The following TRHDE variants were observed in gnomAD, a reference collection of about 807,000 sequenced individuals.
The protein encoded by TRHDE is thyrotropin releasing hormone degrading enzyme.
TRHDE carries 72 observed loss-of-function variants against 125.7 expected under a neutral mutation model. The observed-to-expected ratio is 0.57, with a 90% CI of 0.47 to 0.70. The LOEUF is 0.70. TRHDE is among the 30% of genes least tolerant of loss of function. The pLI, the probability that TRHDE is intolerant of heterozygous loss-of-function variation, is 0.00. For missense variants in TRHDE, 1,110 were observed against 1,327.1 expected (o/e 0.84, Z 2.54); for synonymous variants, 509 against 509.1 (o/e 1.00, Z 0.00).
At chr12:72,553,905 A>G (rs1024318125) in intron 7 of TRHDE, among the ~76,000 whole-genome samples, 33 of 146,150 alleles carry the variant, frequency 2.3e-4, no homozygotes, top group African/African-American at 8.1e-4. Context: ...CTGGAGTACA[A>G]TGGTACAACC....
At chr12:72,280,155 C>T (rs1879643175) in intron 1 of TRHDE, among the ~76,000 whole-genome samples, 1 of 152,070 alleles carries the variant, frequency 6.6e-6, no homozygotes, top group Admixed American at 6.5e-5. Context: ...CTGACTCTGC[C>T]ACTTATTAGC....
At chr12:72,653,459 A>G (rs1467129654) in intron 17 of TRHDE, among the ~76,000 whole-genome samples, 1 of 152,106 alleles carries the variant, frequency 6.6e-6, no homozygotes, top group South Asian at 2.1e-4. Flanking sequence ...TGTATCATAA[A>G]ACCCCTGTAT....
intron 2 of TRHDE, among the ~76,000 whole-genome samples, chr12:72,166,952 G>GTC (rs1251526941): frequency 2.2e-4 from 31 of 139,694 alleles, no homozygotes; most frequent in African/African-American, 6.8e-4. Context: ...GTGTGTGTGT[G>GTC]TCTCAATCAT....
chr12:72,553,950 G>A (rs527266864), intron 7 of TRHDE, among the ~76,000 whole-genome samples: 1 of 150,432 alleles, frequency 6.6e-6, no homozygotes, highest in Non-Finnish European at 1.5e-5. Context: ...CTGGGTTCAA[G>A]CCATCTCCTG....
chr12:72,187,500 T>A (rs1592475571), intron 2 of TRHDE, among the ~76,000 whole-genome samples: 1 of 136,612 alleles, frequency 7.3e-6, no homozygotes, highest in African/African-American at 2.6e-5. Context: ...GTGGTGGTGG[T>A]GGTGGTGGAG....
intron 12 of TRHDE, among the ~76,000 whole-genome samples, chr12:72,580,391 T>C (rs1297414793): frequency 6.6e-6 from 1 of 152,228 alleles, no homozygotes; most frequent in African/African-American, 2.4e-5. Context: ...GGCTTGCACT[T>C]TAAAATTAGT....
At chr12:72,411,241 A>G (rs564206658) in intron 3 of TRHDE, among the ~76,000 whole-genome samples, 43 of 151,578 alleles carry the variant, frequency 2.8e-4, no homozygotes, top group Non-Finnish European at 5.0e-4. Flanking sequence ...ATTGCAACTG[A>G]TAACATTTGG....
Position 72,541,272 on chromosome 12 carries a change from T to A in TRHDE, c.1723-1019T>A, listed in dbSNP as rs887892440. 3.3e-5 allele frequency among the ~76,000 whole-genome samples: 5 copies of A among 151,602 alleles called. No homozygotes were observed. In the East Asian group the frequency reaches 9.7e-4, roughly 29 times the overall value. ...TCATTGCTTACAATCCACTGCTCCA[T>A]ACCAATTCAATTTGGTCAAGTGTCT... On this transcript the variant is annotated intron_variant, in intron 6 of 18. Transcript: ENST00000261180.
In TRHDE at chr12:72,583,218, A is replaced by G. The variant is rs73353857; in HGVS notation, c.2321+7676A>G. Reference sequence around the variant, plus strand: ...TGAAAGTTATAAAATTATTTATTGCAAACTACGATTTATTGTTGACTATAT... The same window carrying G: ...TGAAAGTTATAAAATTATTTATTGCGAACTACGATTTATTGTTGACTATAT... On this transcript the variant is annotated intron_variant, in intron 12 of 18. Transcript: ENST00000261180. Among the ~76,000 whole-genome samples, 268 of 152,340 alleles carry G rather than the reference A, an allele frequency of 1.8e-3. 3 individuals are homozygous for G. Among genetic ancestry groups the G allele is most frequent in the African/African-American group, 6.3e-3 (263 of 41,580 alleles).
chr12:72,592,212 T>C (rs1871716365), intron 12 of TRHDE, among the ~76,000 whole-genome samples: 1 of 152,178 alleles, frequency 6.6e-6, no homozygotes, highest in Admixed American at 6.5e-5. Flanking sequence ...TACCTTTTCT[T>C]CTCTTCATTT....
At chr12:72,572,982 T>C (rs1026465722) in intron 10 of TRHDE, among the ~76,000 whole-genome samples, 1 of 151,966 alleles carries the variant, frequency 6.6e-6, no homozygotes. Flanking sequence ...AACTTGGTGC[T>C]TTAACATTAT....
intron 7 of TRHDE, among the ~76,000 whole-genome samples, chr12:72,558,590 C>G (rs1382794983): frequency 6.6e-6 from 1 of 152,138 alleles, no homozygotes; most frequent in Non-Finnish European, 1.5e-5. Context: ...CAAAAATATT[C>G]TGGCTTTGTG....
intron 2 of TRHDE, among the ~76,000 whole-genome samples, chr12:72,117,552 C>A (rs1875475333): frequency 6.6e-6 from 1 of 152,040 alleles, no homozygotes; most frequent in African/African-American, 2.4e-5. Context: ...ATAGCTTGGT[C>A]TATTCTGGGT....
intron 2 of TRHDE, among the ~76,000 whole-genome samples, chr12:72,190,695 C>T (rs1344851864): frequency 6.6e-6 from 1 of 152,178 alleles, no homozygotes; most frequent in Non-Finnish European, 1.5e-5. Flanking sequence ...GTGGACAAAA[C>T]AACTTTTCCT....
chr12:72,232,919 G>A (rs61648527), intron 2 of TRHDE, among the ~76,000 whole-genome samples: 1 of 151,854 alleles, frequency 6.6e-6, no homozygotes, highest in African/African-American at 2.4e-5. Flanking sequence ...TTTATTTTGT[G>A]TATTATCTCT....
At chr12:72,091,679 C>T (rs1175036104) in intron 1 of TRHDE, among the ~76,000 whole-genome samples, 1 of 152,158 alleles carries the variant, frequency 6.6e-6, no homozygotes, top group African/African-American at 2.4e-5. Context: ...TATAAGTAAA[C>T]AGCAAACTGT....
chr12:72,603,436 T>C (rs776187462), intron 12 of TRHDE, among the ~76,000 whole-genome samples: 9 of 152,022 alleles, frequency 5.9e-5, no homozygotes, highest in Non-Finnish European at 1.2e-4. Flanking sequence ...AATAACAATG[T>C]AAGTGTGGGC....
rs1400770087 is a variant in TRHDE at position 72,670,023 on chromosome 12, ACT to A, written c.*6829_*6830del. ...TTTCATAATTGGCTTTCTGGACACC[ACT>A]GAGTTTATTAGATAATCTTTAAAAA... is the stretch of plus-strand genomic sequence containing the variant. On this transcript the variant is annotated 3_prime_UTR_variant, in exon 19 of 19. Transcript: ENST00000261180. 2 of 151,776 alleles carry A rather than the reference ACT, an allele frequency of 1.3e-5. No homozygotes were observed. Among genetic ancestry groups the A allele is most frequent in the Non-Finnish European group, 3.0e-5 (2 of 67,778 alleles). 9.4% of individuals were successfully genotyped at this position (151,776 alleles called of 1,614,324 possible). A position where few individuals can be genotyped will look rare whatever the true frequency, so the allele number is the denominator to read the frequency against.
chr12:72,139,191 T>G (rs1033540997), intron 2 of TRHDE, among the ~76,000 whole-genome samples: 1 of 152,128 alleles, frequency 6.6e-6, no homozygotes, highest in Non-Finnish European at 1.5e-5. Flanking sequence ...GAATTGAGTG[T>G]AAAGGAAGAA....
Sources: allele counts gnomAD v4.1 joint callset (sites outside exome capture counted in the v4.1 genomes callset), GRCh38; gene constraint gnomAD v4.1.1; transcripts MANE v1.5; gene names NCBI Gene and HGNC (gene_info 2026-07-23, HGNC 2026-07-21).